The following PRKCB variants were observed in gnomAD, a reference collection of about 807,000 sequenced individuals.
The protein encoded by PRKCB is protein kinase C beta type.
Under a neutral mutation model 81.5 loss-of-function variants are expected in PRKCB, and 13 were observed. The observed-to-expected ratio is 0.16, with a 90% CI of 0.10 to 0.25. The LOEUF (loss-of-function observed/expected upper bound fraction) is 0.25. Among genes scored for constraint, PRKCB ranks in the 10% least tolerant of loss-of-function variants. The pLI is 1.00. For missense variants in PRKCB, 509 were observed against 875.7 expected (o/e 0.58, Z 5.29); for synonymous variants, 335 against 321.4 (o/e 1.04, Z -0.45).
intron 3 of PRKCB, among the ~76,000 whole-genome samples, chr16:23,990,470 A>G (rs976425829): frequency 3.3e-5 from 5 of 151,624 alleles, no homozygotes; most frequent in African/African-American, 1.2e-4. Context: ...AAAAAAAGAA[A>G]AAAAAGAAGC....
chr16:24,040,194 TCTC>T (rs1335594220), intron 5 of PRKCB, among the ~76,000 whole-genome samples: 1 of 152,154 alleles, frequency 6.6e-6, no homozygotes, highest in Non-Finnish European at 1.5e-5. Context: ...TCTGATCAGT[TCTC>T]CTCCTTTTAA....
chr16:24,082,691 C>A (rs1435459814), intron 5 of PRKCB, among the ~76,000 whole-genome samples: 1 of 152,064 alleles, frequency 6.6e-6, no homozygotes, highest in East Asian at 1.9e-4. Flanking sequence ...CATCTCACAC[C>A]TTTTGCAAGA....
intron 3 of PRKCB, among the ~76,000 whole-genome samples, chr16:24,006,216 C>T (rs958107625): frequency 1.3e-5 from 2 of 152,184 alleles, no homozygotes; most frequent in African/African-American, 4.8e-5. Flanking sequence ...ATACCAAATG[C>T]CAAGAGGATG....
chr16:23,892,493 A>G (rs865946447), intron 2 of PRKCB, among the ~76,000 whole-genome samples: 3 of 152,242 alleles, frequency 2.0e-5, no homozygotes, highest in Non-Finnish European at 4.4e-5. Context: ...TTTCCAAGAC[A>G]ACAAAATTAT....
chr16:23,997,903 T>C (rs1567338987), intron 3 of PRKCB, among the ~76,000 whole-genome samples: 1 of 152,340 alleles, frequency 6.6e-6, no homozygotes, highest in East Asian at 1.9e-4. Context: ...GGACTTGTGA[T>C]GGTTAATTTT....
At chr16:24,037,082 G>T (rs35707700) in intron 5 of PRKCB, among the ~76,000 whole-genome samples, 26,503 of 152,006 alleles carry the variant, frequency 0.17, 2,544 homozygotes, top group Middle Eastern at 0.26. Flanking sequence ...TCCACCTCCC[G>T]GGTTCAAGCG....
At chr16:23,991,032 C>T (rs1050205320) in intron 3 of PRKCB, among the ~76,000 whole-genome samples, 2 of 152,220 alleles carry the variant, frequency 1.3e-5, no homozygotes, top group East Asian at 3.8e-4. Flanking sequence ...TTGGCTTTGT[C>T]TCCATTACTG....
intron 3 of PRKCB, among the ~76,000 whole-genome samples, chr16:24,010,373 T>G (rs1965186692): frequency 6.6e-6 from 1 of 152,238 alleles, no homozygotes; most frequent in Admixed American, 6.5e-5. Flanking sequence ...GTGGTGTATT[T>G]TAAACACATT....
chr16:24,191,316 G>C (rs756296998), intron 16 of PRKCB, 86 bp downstream of exon 16: 1 of 1,489,976 alleles, frequency 6.7e-7, no homozygotes, highest in Admixed American at 1.8e-5. Context: ...TGCTCCCTGA[G>C]GGGTAGACGT....
intron 2 of PRKCB, among the ~76,000 whole-genome samples, chr16:23,906,930 C>T (rs776280324): frequency 5.3e-5 from 8 of 151,986 alleles, no homozygotes; most frequent in Non-Finnish European, 7.4e-5. Context: ...GAAGGATAAC[C>T]GCAATTTATT....
chr16:23,882,640 A>G (rs1049430864), intron 2 of PRKCB, among the ~76,000 whole-genome samples: 2 of 152,170 alleles, frequency 1.3e-5, no homozygotes, highest in African/African-American at 4.8e-5. Flanking sequence ...ATTCCATTGT[A>G]TGAATAGGCA....
chr16:23,914,776 G>A (rs1963713477), intron 2 of PRKCB, among the ~76,000 whole-genome samples: 1 of 152,168 alleles, frequency 6.6e-6, no homozygotes, highest in South Asian at 2.1e-4. Flanking sequence ...GATGAAGGGG[G>A]AGGAGGCTGC....
chr16:23,882,000 T>TTCTTTCTTTC lies in PRKCB; in HGVS notation c.205+44596_205+44605dup, dbSNP rs1433285428. Among the ~76,000 whole-genome samples, 127 of 81,700 alleles carry TTCTTTCTTTC rather than the reference T, an allele frequency of 1.6e-3. 6 individuals are homozygous for TTCTTTCTTTC. Among genetic ancestry groups the TTCTTTCTTTC allele is most frequent in the African/African-American group, 6.7e-3 (124 of 18,496 alleles). 53.6% of individuals were successfully genotyped at this position (81,700 alleles called of 152,430 possible). ...TTTCTTTCTTTCTTTCTTTCTTTCTTTCTTTCTTTCTTTCTTTCTTTCTTC... is the reference window on the plus strand; with the variant it reads ...TTTCTTTCTTTCTTTCTTTCTTTCTTTCTTTCTTTCTCTTTCTTTCTTTCTTTCTTTCTTC... On this transcript the variant is annotated intron_variant, in intron 2 of 16. Transcript: ENST00000643927.
At chr16:23,987,563 C>T (rs926817379) in intron 2 of PRKCB, among the ~76,000 whole-genome samples, 10 of 152,108 alleles carry the variant, frequency 6.6e-5, no homozygotes, top group African/African-American at 2.4e-4. Flanking sequence ...GAGCTTTCCT[C>T]TGTAGGCAAG....
chr16:23,981,984 T>C (rs1261104909), intron 2 of PRKCB, among the ~76,000 whole-genome samples: 49 of 119,556 alleles, frequency 4.1e-4, no homozygotes, highest in Non-Finnish European at 7.1e-5. Context: ...TCCCTTCCCT[T>C]TCCCTTCCTT....
At chr16:24,147,009 C>A (rs1484626667) in intron 9 of PRKCB, among the ~76,000 whole-genome samples, 3 of 152,088 alleles carry the variant, frequency 2.0e-5, no homozygotes, top group Non-Finnish European at 4.4e-5. Flanking sequence ...TCTCCCATGG[C>A]AAAACTTCAC....
intron 2 of PRKCB, among the ~76,000 whole-genome samples, chr16:23,976,864 T>G (rs1272025339): frequency 6.6e-6 from 1 of 152,196 alleles, no homozygotes; most frequent in African/African-American, 2.4e-5. Context: ...CTCCCAGGGT[T>G]GTTACTGCAG....
chr16:24,035,495 C>T lies in PRKCB; in HGVS notation c.477C>T (p.Arg159=), dbSNP rs573327064. The T allele has an allele frequency of 2.4e-5, 39 of 1,614,184 alleles. No individual in the cohort carries two copies. Among genetic ancestry groups the T allele is most frequent in the South Asian group, 1.6e-4 (15 of 91,082 alleles). ...SLCGTDHTER[R]GRIYIQAHID... ...GTGGCACGGACCACACGGAGCGCCG[C>T]GGCCGCATCTACATCCAGGCCCACA... Residue 159 remains arginine, a synonymous_variant, in exon 5 of 17, where the codon CGC becomes CGT. Transcript: ENST00000643927.
At chr16:24,124,920 A>T (rs1046623795) in intron 9 of PRKCB, among the ~76,000 whole-genome samples, 1 of 152,136 alleles carries the variant, frequency 6.6e-6, no homozygotes, top group Admixed American at 6.5e-5. Context: ...AAAGTATATC[A>T]TGTATTCACT....
Sources: allele counts gnomAD v4.1 joint callset (sites outside exome capture counted in the v4.1 genomes callset), GRCh38; gene constraint gnomAD v4.1.1; transcripts MANE v1.5; gene names NCBI Gene and HGNC (gene_info 2026-07-23, HGNC 2026-07-21).